Variants in KAT6B observed in about 807,000 individuals in gnomAD.
The protein encoded by KAT6B is histone acetyltransferase KAT6B.
KAT6B carries 10 observed loss-of-function variants against 187.5 expected under a neutral mutation model. The ratio of observed to expected loss-of-function variants is 0.05; its 90% CI spans 0.03 to 0.09. KAT6B has a LOEUF of 0.09. KAT6B is among the 10% of genes least tolerant of loss of function. The probability of loss-of-function intolerance (pLI) is 1.00; values close to 1 mark genes in which losing one functional copy is unlikely to be tolerated. For synonymous variants in KAT6B, 861 were observed against 926.8 expected (o/e 0.93, Z 1.29); for missense variants, 1,952 against 2,558.9 (o/e 0.76, Z 5.12).
chr10:74,960,275 A>G (rs966893961), intron 4 of KAT6B, among the ~76,000 whole-genome samples, 197 bp downstream of exon 4: 1 of 152,146 alleles, frequency 6.6e-6, no homozygotes, highest in Non-Finnish European at 1.5e-5. Flanking sequence ...GATATTATAT[A>G]TGCTTATATA....
At chr10:74,969,316 G>C (rs1409138236) in intron 4 of KAT6B, among the ~76,000 whole-genome samples, 2 of 152,144 alleles carry the variant, frequency 1.3e-5, no homozygotes, top group Admixed American at 1.3e-4. Flanking sequence ...GGACCCCCTG[G>C]GTAGATGGTG....
chr10:74,844,545 C>T (rs1474590827), intron 3 of KAT6B, among the ~76,000 whole-genome samples: 1 of 152,150 alleles, frequency 6.6e-6, no homozygotes, highest in South Asian at 2.1e-4. Flanking sequence ...CACCTAAATC[C>T]CTCATTTCAA....
intron 3 of KAT6B, among the ~76,000 whole-genome samples, chr10:74,913,118 A>G (rs937560880): frequency 5.3e-5 from 8 of 152,206 alleles, no homozygotes; most frequent in East Asian, 3.8e-4. Flanking sequence ...ATGACAAGCT[A>G]TTATTCAGTG....
chr10:74,833,171 C>G (rs576850692), intron 1 of KAT6B, among the ~76,000 whole-genome samples: 1 of 146,478 alleles, frequency 6.8e-6, no homozygotes, highest in South Asian at 2.2e-4. Flanking sequence ...CACATTTTTT[C>G]CCTTAATACA....
intron 3 of KAT6B, among the ~76,000 whole-genome samples, chr10:74,873,631 A>G (rs188307728): frequency 1.3e-5 from 2 of 152,144 alleles, no homozygotes. Flanking sequence ...AGATGAGGAC[A>G]GATCTGAAAT....
intron 12 of KAT6B, 102 bp from the exon 13 acceptor site, chr10:74,988,917 G>T: frequency 8.7e-6 from 7 of 803,134 alleles, no homozygotes; most frequent in Non-Finnish European, 1.3e-5. Context: ...CTAACCCATT[G>T]GCTTTCTTTA....
chr10:74,880,476 A>G (rs148672961), intron 3 of KAT6B, among the ~76,000 whole-genome samples: 100 of 152,330 alleles, frequency 6.6e-4, no homozygotes, highest in African/African-American at 2.4e-3. Flanking sequence ...TCATTCATTC[A>G]TTAGACATTG....
At chr10:75,019,377 T>C (rs1284260020) in intron 13 of KAT6B, among the ~76,000 whole-genome samples, 1 of 152,218 alleles carries the variant, frequency 6.6e-6, no homozygotes, top group Non-Finnish European at 1.5e-5. Context: ...TTTGTATTTC[T>C]GCATTACTGT....
intron 3 of KAT6B, among the ~76,000 whole-genome samples, chr10:74,923,560 T>G (rs1011338822): frequency 4.6e-5 from 7 of 152,128 alleles, no homozygotes; most frequent in Non-Finnish European, 1.0e-4. Flanking sequence ...AAAGTGACAT[T>G]TAACTTGACT....
At chr10:74,852,248 A>T (rs1370534019) in intron 3 of KAT6B, among the ~76,000 whole-genome samples, 1 of 152,148 alleles carries the variant, frequency 6.6e-6, no homozygotes, top group African/African-American at 2.4e-5. Flanking sequence ...GATTATGTGT[A>T]TTTAACTGAA....
At chr10:74,911,767 T>C (rs1209475483) in intron 3 of KAT6B, among the ~76,000 whole-genome samples, 1 of 152,206 alleles carries the variant, frequency 6.6e-6, no homozygotes. Flanking sequence ...TGTTAGTGTA[T>C]TGTGTTTATA....
chr10:74,933,057 A>ATC (rs1848997906), intron 3 of KAT6B, among the ~76,000 whole-genome samples: 2 of 152,242 alleles, frequency 1.3e-5, no homozygotes, highest in South Asian at 4.1e-4. Context: ...ATCAGGAAAC[A>ATC]GGTCACTTGG....
intron 3 of KAT6B, among the ~76,000 whole-genome samples, chr10:74,926,113 ATT>A (rs1169291984): frequency 2.0e-5 from 3 of 152,244 alleles, no homozygotes; most frequent in Non-Finnish European, 4.4e-5. Flanking sequence ...AACACTTGAT[ATT>A]TTAGACTAGT....
chr10:74,959,895 A>C, intron 3 of KAT6B, 75 bp from the exon 4 acceptor site: 5 of 1,007,816 alleles, frequency 5.0e-6, no homozygotes, highest in Non-Finnish European at 7.9e-6. Flanking sequence ...GAAAAATGTA[A>C]AAAGCTTTTG....
intron 1 of KAT6B, among the ~76,000 whole-genome samples, chr10:74,835,791 C>T (rs1201417127): frequency 6.6e-6 from 1 of 152,018 alleles, no homozygotes; most frequent in East Asian, 1.9e-4. Flanking sequence ...TAGTTTAGTG[C>T]TTTGTTATTT....
chr10:75,012,005 CCCTTT>C (rs1259572494), intron 13 of KAT6B, among the ~76,000 whole-genome samples: 1 of 152,152 alleles, frequency 6.6e-6, no homozygotes, highest in Non-Finnish European at 1.5e-5. Flanking sequence ...TCCCCCAAGG[CCCTTT>C]CCTTACTGGG....
At chr10:74,983,223 A>T (rs1239321846) in intron 11 of KAT6B, 1 of 152,280 alleles carries the variant, frequency 6.6e-6, no homozygotes, top group Non-Finnish European at 1.5e-5. Flanking sequence ...GCTATGCTAT[A>T]CAGCGTAGGA....
At chr10:74,831,369 C>G (rs1407745778) in intron 1 of KAT6B, among the ~76,000 whole-genome samples, 1 of 152,042 alleles carries the variant, frequency 6.6e-6, no homozygotes, top group Non-Finnish European at 1.5e-5. Context: ...CCTTTTGTGT[C>G]TTGTTTTAAG....
chr10:74,981,289 G>T (rs1842487973), intron 10 of KAT6B, among the ~76,000 whole-genome samples: 1 of 142,952 alleles, frequency 7.0e-6, no homozygotes, highest in African/African-American at 2.9e-5. Flanking sequence ...ACTATTGGCT[G>T]GCTTTCTTTC....
Sources: gnomAD v4.1 joint callset for allele counts (sites outside exome capture counted in the v4.1 genomes callset) on GRCh38, gnomAD v4.1.1 for gene constraint, MANE v1.5 for transcripts, NCBI Gene and HGNC (gene_info 2026-07-23, HGNC 2026-07-21) for gene names.